The following ZAN variants were observed in gnomAD, a reference collection of about 807,000 sequenced individuals.
ZAN encodes zonadhesin (gene/pseudogene).
In ZAN, 260 loss-of-function variants were observed where a neutral mutation model predicts 286.2. The ratio of observed to expected loss-of-function variants is 0.91; its 90% CI spans 0.82 to 1.01. The LOEUF (loss-of-function observed/expected upper bound fraction) is 1.01. ZAN is among the 50% of genes least tolerant of loss of function. The pLI, the probability that ZAN is intolerant of heterozygous loss-of-function variation, is 0.00. For missense variants in ZAN, 3,410 were observed against 3,639.2 expected (o/e 0.94, Z 1.62); for synonymous variants, 1,368 against 1,417.5 (o/e 0.97, Z 0.79).
chr7:100,743,687 G>GGC (rs781428569), intron 7 of ZAN, among the ~76,000 whole-genome samples: 20 of 150,890 alleles, frequency 1.3e-4, no homozygotes, highest in African/African-American at 1.7e-4. Context: ...GACCAGCCTG[G>GGC]AACATATAGT....
In ZAN at chr7:100,772,035, A is replaced by G; in HGVS notation, c.5425+15A>G. Reference sequence around the variant, plus strand: ...AACCTTCTGCCGTGAGTGACTGGCCACCTGTTCCCACAGCCCATAGGCACC... The same window carrying G: ...AACCTTCTGCCGTGAGTGACTGGCCGCCTGTTCCCACAGCCCATAGGCACC... On this transcript the variant is annotated intron_variant, in intron 29 of 47. Transcript: ENST00000613979. The G allele has an allele frequency of 6.4e-7, 1 of 1,574,150 alleles. No homozygotes were observed. Among genetic ancestry groups the G allele is most frequent in the Non-Finnish European group, 8.6e-7 (1 of 1,161,068 alleles).
intron 29 of ZAN, among the ~76,000 whole-genome samples, chr7:100,772,221 C>T (rs1810422330): frequency 6.8e-6 from 1 of 147,470 alleles, no homozygotes; most frequent in Non-Finnish European, 1.5e-5. Context: ...CACCTGAGGT[C>T]AGGAGTTGGA....
Position 100,734,095 on chromosome 7 carries a change from G to C in ZAN, c.-74G>C, listed in dbSNP as rs374203981. The stretch of plus-strand genomic sequence containing the variant: ...AAGGATGCCAAGCTAAGGAGGCCAG[G>C]GGGGAATAAAAGGAGTCCAGGCTCC... On this transcript the variant is annotated 5_prime_UTR_variant, in exon 2 of 48. Transcript: ENST00000613979. 6.0e-6 allele frequency: 6 copies of C among 996,180 alleles called. 2 individuals carry two copies. The highest frequency in any genetic ancestry group is 5.5e-5 in the East Asian group (2 of 36,690). The allele number at this position is 996,180 out of a possible 1,614,324, so 61.7% of individuals were successfully genotyped here. A position where few individuals can be genotyped will look rare whatever the true frequency, so the allele number is the denominator to read the frequency against.
intron 40 of ZAN, 55 bp downstream of exon 40, chr7:100,791,168 G>T (rs980429650): frequency 1.3e-6 from 2 of 1,563,918 alleles, no homozygotes; most frequent in Non-Finnish European, 1.7e-6. Flanking sequence ...GTCTGTGCAC[G>T]GTGGCCGCTA....
At chr7:100,776,638 TC>T in intron 34 of ZAN, 74 bp downstream of exon 34, 1 of 1,200,154 alleles carries the variant, frequency 8.3e-7, no homozygotes. Context: ...TGCCTTCCCT[TC>T]CCTTCCCTCC....
intron 42 of ZAN, among the ~76,000 whole-genome samples, chr7:100,792,849 C>T (rs897702285): frequency 3.3e-5 from 5 of 151,684 alleles, no homozygotes; most frequent in African/African-American, 1.2e-4. Flanking sequence ...TGGTGGTTCA[C>T]ACCTGTAATC....
chr7:100,767,729 C>T (rs566757409), intron 25 of ZAN, 102 bp from the exon 26 acceptor site: 37 of 1,322,708 alleles, frequency 2.8e-5, no homozygotes, highest in South Asian at 2.3e-4. Context: ...TCCTCCGCCT[C>T]GGCCTCCCAA....
chr7:100,792,430 G>T lies in ZAN; in HGVS notation c.7738G>T (p.Ala2580Ser), dbSNP rs1402589501. 1 of 1,613,610 alleles carries T rather than the reference G, an allele frequency of 6.2e-7. No homozygotes were observed. The stretch of plus-strand genomic sequence containing the variant: ...GCACTGCGTGCTGGATCTGTGCTCT[G>T]CTCAGGACCCAAGAGAGCAAGAGGA... ...QEHCVLDLCS[A>S]QDPREQEELR... The change falls in exon 42 of 48, where the codon GCT becomes TCT. Residue 2580 changes from alanine to serine, a missense_variant. Physicochemically the swap from Ala to Ser is moderately conservative, Grantham distance 99. Around this residue, in one of 7 missense-constraint regions of ZAN, gnomAD observed 1,289 missense variants for 1,314.3 expected, o/e 0.98. Transcript: ENST00000613979.
Position 100,789,248 on chromosome 7 carries a change from A to C in ZAN, c.7258A>C (p.Arg2420=). ...CAACCAGAAGATGGCCGTCCCCTAC[A>C]GGCCAAATGAACACCTGCGGGTCAC... ...VNNQKMAVPY[R]PNEHLRVTLW... The change falls in exon 39 of 48, where the codon AGG becomes CGG. Residue 2420 remains arginine, a synonymous_variant. Coordinates refer to ENST00000613979, the MANE Select transcript of ZAN (RefSeq NM_003386.3). The C allele has an allele frequency of 6.2e-7, 1 of 1,613,888 alleles. No homozygotes were observed. Among genetic ancestry groups the C allele is most frequent in the Admixed American group, 1.7e-5 (1 of 59,996 alleles).
intron 45 of ZAN, 87 bp from the exon 46 acceptor site, chr7:100,797,279 G>A (rs986186630): frequency 9.6e-6 from 12 of 1,249,014 alleles, no homozygotes; most frequent in Non-Finnish European, 1.4e-5. Context: ...CCCTGGGGTA[G>A]CAAGCAATCC....
At position 100,750,704 on chromosome 7, in the gene ZAN, C is replaced by A; in HGVS notation, c.1329C>A (p.Cys443Ter). 1 of 1,612,898 alleles carries A rather than the reference C, an allele frequency of 6.2e-7. No homozygotes were observed. Among genetic ancestry groups the A allele is most frequent in the Non-Finnish European group, 8.5e-7 (1 of 1,179,554 alleles). Residue 443 changes from cysteine (C) to a stop codon, truncating the protein, a stop_gained, in exon 12 of 48, where the codon TGC becomes TGA. Coordinates refer to ENST00000613979, the MANE Select transcript of ZAN (RefSeq NM_003386.3). LOFTEE classifies it high-confidence loss of function. ...QSVRLVSRPF[C>*]APGDICVEFA... ...TCAGACTGGTGAGCCGGCCCTTCTG[C>A]GCCCCAGGTGACATCTGCGTGGAGT...
chr7:100,757,736 CAG>C (rs1221163720), intron 15 of ZAN, among the ~76,000 whole-genome samples: 2 of 127,952 alleles, frequency 1.6e-5, no homozygotes, highest in Non-Finnish European at 1.6e-5. Flanking sequence ...GCCTGGGTGA[CAG>C]AGTGAGACTC....
In ZAN at chr7:100,768,000, G is replaced by A; in HGVS notation, c.5030G>A (p.Cys1677Tyr). 6.2e-7 allele frequency: 1 copy of A among 1,611,880 alleles called. No individual in the cohort carries two copies. The highest frequency in any genetic ancestry group is 8.5e-7 in the Non-Finnish European group (1 of 1,178,830). The change falls in exon 26 of 48, where the codon TGT (cysteine) becomes TAT (tyrosine). Residue 1677 changes from cysteine to tyrosine, a missense_variant. Cys to Tyr is a radical substitution (Grantham distance 194). Around this residue, in one of 7 missense-constraint regions of ZAN, gnomAD observed 1,042 missense variants for 1,058.0 expected, o/e 0.98. Coordinates refer to ENST00000613979, the MANE Select transcript of ZAN (RefSeq NM_003386.3). ...CCCTCCTCCTATGGCGGCCAGCTCTGTGGGCTGTGTGGTGAGTTTCCTGGG... is the reference window on the plus strand; with the variant it reads ...CCCTCCTCCTATGGCGGCCAGCTCTATGGGCTGTGTGGTGAGTTTCCTGGG... ...TVPSSYGGQL[C>Y]GLCGNYNNNS...
At chr7:100,786,966 G>T (rs764433169) in intron 37 of ZAN, among the ~76,000 whole-genome samples, 14 of 151,932 alleles carry the variant, frequency 9.2e-5, no homozygotes, top group Admixed American at 7.2e-4. Context: ...GGAGACTGAC[G>T]CAGGAGAATT....
Position 100,736,541 on chromosome 7 carries a change from A to C in ZAN, c.165A>C (p.Gln55His), listed in dbSNP as rs766634123. ...CCAAACCCCTCTGTGACTGGTCCCA[A>C]GTGTCCGCAGACGATGAAGACTGGG... is the stretch of plus-strand genomic sequence containing the variant. ...DDAKPLCDWS[Q>H]VSADDEDWVR... Residue 55 changes from glutamine (Q) to histidine (H), a missense_variant, in exon 4 of 48, where the codon CAA becomes CAC. Gln to His is a conservative substitution (Grantham distance 24). This residue lies in a region of ZAN where 872 missense variants were observed against 938.9 expected (regional missense o/e 0.93). Transcript: ENST00000613979. The C allele has an allele frequency of 6.6e-6, 10 of 1,523,430 alleles. 2 individuals are homozygous for C. In the Admixed American group the frequency reaches 1.7e-4, roughly 27 times the overall value. 94.4% of individuals were successfully genotyped at this position (1,523,430 alleles called of 1,614,324 possible).
rs1234843014 is a variant in ZAN, at chr7:100,755,274, CGTGCA to C, written c.3174_3178del (p.Cys1059GlufsTer5). The C allele has an allele frequency of 6.2e-6, 10 of 1,613,866 alleles. No individual in the cohort carries two copies. The African/African-American group carries it at 8.0e-5, about 13-fold the overall frequency. ...TACGAATCCTGTGCTTGTCCTGCTT[CGTGCA>C]AGAGCCCCAGGCCTAGCTGTGGGCC... On this transcript the variant is annotated frameshift_variant, in exon 15 of 48. Coordinates refer to ENST00000613979, the MANE Select transcript of ZAN (RefSeq NM_003386.3). LOFTEE classifies it high-confidence loss of function.
intron 45 of ZAN, 91 bp downstream of exon 45, chr7:100,795,427 G>A (rs1663190055): frequency 8.2e-7 from 1 of 1,224,690 alleles, no homozygotes; most frequent in Non-Finnish European, 1.1e-6. Flanking sequence ...TTCACATATA[G>A]AATGATATGT....
At chr7:100,797,274 G>A in intron 45 of ZAN, 92 bp from the exon 46 acceptor site, 1 of 1,201,154 alleles carries the variant, frequency 8.3e-7, no homozygotes, top group South Asian at 1.3e-5. Flanking sequence ...AGGTCCCCTG[G>A]GGTAGCAAGC....
In ZAN at chr7:100,764,207, C is replaced by G. The variant is rs1362093326; in HGVS notation, c.4267+11C>G. On this transcript the variant is annotated intron_variant, in intron 22 of 47. Coordinates refer to ENST00000613979, the MANE Select transcript of ZAN (RefSeq NM_003386.3). ...AACCCCACTTCTGCCGTGAGTTGTG[C>G]CAAACTCAGAGGAGAGGCCGGGCAC... The G allele has an allele frequency of 6.5e-7, 1 of 1,530,530 alleles. No individual in the cohort carries two copies. The highest frequency in any genetic ancestry group is 8.8e-7 in the Non-Finnish European group (1 of 1,139,044). 94.8% of individuals were successfully genotyped at this position (1,530,530 alleles called of 1,614,324 possible). A position where few individuals can be genotyped will look rare whatever the true frequency, so the allele number is the denominator to read the frequency against.
Sources: allele counts gnomAD v4.1 joint callset (sites outside exome capture counted in the v4.1 genomes callset), GRCh38; gene constraint gnomAD v4.1.1; regional missense constraint gnomAD v4.1.1; transcripts MANE v1.5; gene names NCBI Gene and HGNC (gene_info 2026-07-23, HGNC 2026-07-21).